AOPEP: variants seen among roughly 807,000 people sequenced by gnomAD.
AOPEP encodes the protein aminopeptidase O (putative), also known as aminopeptidase O.
AOPEP carries 77 observed loss-of-function variants against 98.1 expected under a neutral mutation model. The ratio of observed to expected loss-of-function variants is 0.78; its 90% confidence interval spans 0.65 to 0.95. The LOEUF (loss-of-function observed/expected upper bound fraction) is 0.95, where lower values mean the gene tolerates loss of function less well. Ranked by LOEUF, AOPEP falls within the 40% of genes least tolerant of loss-of-function variation. The pLI, the probability that AOPEP is intolerant of heterozygous loss-of-function variation, is 0.00. For synonymous variants in AOPEP, 346 were observed against 365.3 expected (o/e 0.95, Z 0.60); for missense variants, 1,024 against 1,024.7 (o/e 1.00, Z 0.01).
intron 7 of AOPEP, among the ~76,000 whole-genome samples, chr9:94,943,573 G>A (rs922250658): frequency 1.0e-4 from 14 of 138,782 alleles, no homozygotes; most frequent in African/African-American, 2.4e-4. Context: ...CAGCCTAGGC[G>A]ACAGAGTGGG....
chr9:94,783,036 G>GC (rs1381289401), intron 3 of AOPEP, among the ~76,000 whole-genome samples: 6 of 152,206 alleles, frequency 3.9e-5, no homozygotes, highest in Admixed American at 1.3e-4. Context: ...AAGCACTCAA[G>GC]TTTACCTGTG....
At chr9:95,141,627 G>A in the AOPEP span, among the ~76,000 whole-genome samples, 1 of 152,146 alleles carries the variant, frequency 6.6e-6, no homozygotes, top group Non-Finnish European at 1.5e-5. Context: ...TGGCTACAGC[G>A]ATGCTGAGGG....
chr9:94,734,661 A>G (rs981541489), intron 1 of AOPEP, among the ~76,000 whole-genome samples: 2 of 152,234 alleles, frequency 1.3e-5, no homozygotes, highest in Non-Finnish European at 2.9e-5. Context: ...TGGTCTCTGG[A>G]CCAGCATATT....
At chr9:94,879,164 A>G (rs1331381607) in intron 5 of AOPEP, among the ~76,000 whole-genome samples, 1 of 152,230 alleles carries the variant, frequency 6.6e-6, no homozygotes, top group Non-Finnish European at 1.5e-5. Context: ...CTCCAGCTGT[A>G]TGACTCCTAA....
the AOPEP span, among the ~76,000 whole-genome samples, chr9:95,149,134 C>T: frequency 4.6e-5 from 7 of 151,414 alleles, no homozygotes; most frequent in East Asian, 1.9e-4. Context: ...TTTGTGTTAA[C>T]GTGTAATAAA....
chr9:95,127,750 C>T, the AOPEP span, among the ~76,000 whole-genome samples: 1 of 152,200 alleles, frequency 6.6e-6, no homozygotes, highest in Non-Finnish European at 1.5e-5. Flanking sequence ...CCGGCCGTGC[C>T]CTGGATCACA....
chr9:94,905,399 T>G (rs1022446078), intron 5 of AOPEP, among the ~76,000 whole-genome samples: 1 of 152,194 alleles, frequency 6.6e-6, no homozygotes, highest in Non-Finnish European at 1.5e-5. Context: ...TGGTTCAGAT[T>G]GCATTAAATA....
chr9:95,034,742 A>G (rs1017756361), intron 13 of AOPEP, among the ~76,000 whole-genome samples: 2 of 152,184 alleles, frequency 1.3e-5, no homozygotes, highest in Non-Finnish European at 1.5e-5. Context: ...ATCAACTGAC[A>G]GTCTTTGACT....
chr9:94,824,812 C>T (rs1247011155), intron 5 of AOPEP: 1 of 151,364 alleles, frequency 6.6e-6, no homozygotes, highest in Non-Finnish European at 1.5e-5. Flanking sequence ...TTCAGTTTTG[C>T]TCTTTACTTT....
the AOPEP span, chr9:95,117,269 T>C: frequency 6.4e-7 from 1 of 1,554,712 alleles, no homozygotes; most frequent in Non-Finnish European, 8.9e-7. Context: ...GACAATGCTC[T>C]TCCCAGGAAA....
intron 5 of AOPEP, among the ~76,000 whole-genome samples, chr9:94,901,389 T>A (rs1474390444): frequency 1.3e-5 from 2 of 152,084 alleles, no homozygotes; most frequent in Non-Finnish European, 2.9e-5. Context: ...AATGGGAGGA[T>A]GGGCACTGTC....
chr9:94,892,989 G>T (rs1198149161), intron 5 of AOPEP, among the ~76,000 whole-genome samples: 2 of 152,130 alleles, frequency 1.3e-5, no homozygotes, highest in Non-Finnish European at 2.9e-5. Flanking sequence ...TACCTCACTT[G>T]GATGTTTTAT....
intron 11 of AOPEP, chr9:95,004,903 T>G (rs1402237797): frequency 6.9e-6 from 1 of 144,802 alleles, no homozygotes; most frequent in Non-Finnish European, 1.5e-5. Flanking sequence ...CGCTATACCT[T>G]TAAGGCAGGC....
At chr9:94,953,391 C>T (rs1469297285) in intron 7 of AOPEP, among the ~76,000 whole-genome samples, 4 of 152,152 alleles carry the variant, frequency 2.6e-5, no homozygotes, top group Non-Finnish European at 1.5e-5. Flanking sequence ...TAGGTATCTG[C>T]TGATTCTGTG....
At chr9:95,091,038 G>C (rs536920796), downstream of AOPEP, among the ~76,000 whole-genome samples, 1 of 152,200 alleles carries the variant, frequency 6.6e-6, no homozygotes, top group East Asian at 1.9e-4. Context: ...GCCGGTGGCC[G>C]GGCCTGGGGG....
intron 5 of AOPEP, among the ~76,000 whole-genome samples, chr9:94,921,698 C>T (rs2053639671): frequency 6.6e-6 from 1 of 152,096 alleles, no homozygotes; most frequent in Non-Finnish European, 1.5e-5. Context: ...GGGAAATAGC[C>T]CCAGAGTATC....
At chr9:95,029,509 A>T (rs2064121668) in intron 13 of AOPEP, among the ~76,000 whole-genome samples, 1 of 151,940 alleles carries the variant, frequency 6.6e-6, no homozygotes, top group Admixed American at 6.6e-5. Flanking sequence ...CTGGGCCCTC[A>T]CACCTGCCAT....
chr9:95,000,488 A>G (rs907945389), intron 11 of AOPEP, among the ~76,000 whole-genome samples: 3 of 152,204 alleles, frequency 2.0e-5, no homozygotes, highest in African/African-American at 7.2e-5. Flanking sequence ...TGGGTGGATC[A>G]CCTGAGATCA....
chr9:94,994,063 A>G (rs72750371), intron 11 of AOPEP, among the ~76,000 whole-genome samples: 7,326 of 152,170 alleles, frequency 0.048, 261 homozygotes, highest in Non-Finnish European at 0.071. Flanking sequence ...CACTTTTCAC[A>G]TTCCATGCAG....
Sources: gnomAD v4.1 joint callset for allele counts (sites outside exome capture counted in the v4.1 genomes callset) on GRCh38, gnomAD v4.1.1 for gene constraint, MANE v1.5 for transcripts, NCBI Gene and HGNC (gene_info 2026-07-23, HGNC 2026-07-21) for gene names.